The following SLC25A21 variants were observed in gnomAD, a reference collection of about 807,000 sequenced individuals.
The protein encoded by SLC25A21 is mitochondrial 2-oxodicarboxylate carrier.
Under a neutral mutation model 43.8 loss-of-function variants are expected in SLC25A21, and 47 were observed. That is an observed-to-expected ratio of 1.07 (90% CI 0.85 to 1.37). The LOEUF is 1.37. Ranked by LOEUF, SLC25A21 falls within the 40% of genes most tolerant of loss-of-function variation. The pLI, the probability that SLC25A21 is intolerant of heterozygous loss-of-function variation, is 0.00. For missense variants in SLC25A21, 352 were observed against 350.2 expected, an observed-to-expected ratio of 1.00 and a Z score of -0.04; for synonymous variants, 131 against 121.3, an observed-to-expected ratio of 1.08 and a Z score of -0.52.
intron 1 of SLC25A21, among the ~76,000 whole-genome samples, chr14:37,111,890 G>T (rs1453751863): frequency 6.6e-6 from 1 of 152,164 alleles, no homozygotes; most frequent in African/African-American, 2.4e-5. Context: ...TGGAAAACTA[G>T]TATAATCAAC....
chr14:36,881,620 A>C (rs1890728867), intron 1 of SLC25A21, among the ~76,000 whole-genome samples: 1 of 152,166 alleles, frequency 6.6e-6, no homozygotes, highest in South Asian at 2.1e-4. Context: ...CCTAGGTCAC[A>C]GAAAAGAGAC....
intron 7 of SLC25A21, among the ~76,000 whole-genome samples, chr14:36,699,696 G>A (rs992364763): frequency 2.0e-5 from 3 of 152,160 alleles, no homozygotes; most frequent in East Asian, 1.9e-4. Flanking sequence ...CTTGCAGATC[G>A]ATCTCAGACT....
intron 3 of SLC25A21, among the ~76,000 whole-genome samples, chr14:36,760,296 T>G (rs764892135): frequency 6.7e-6 from 1 of 148,420 alleles, no homozygotes; most frequent in Non-Finnish European, 1.5e-5. Context: ...TAATAACTTG[T>G]GACATTATTG....
intron 1 of SLC25A21, among the ~76,000 whole-genome samples, chr14:37,056,563 A>G (rs1240548422): frequency 6.6e-6 from 1 of 151,984 alleles, no homozygotes; most frequent in Non-Finnish European, 1.5e-5. Flanking sequence ...ATACAGATGC[A>G]GACACACACA....
intron 7 of SLC25A21, 104 bp from the exon 8 acceptor site, chr14:36,685,029 G>C: frequency 1.3e-6 from 1 of 779,554 alleles, no homozygotes; most frequent in Non-Finnish European, 1.9e-6. Flanking sequence ...TGCACTCCCG[G>C]CACCCTCCTG....
intron 1 of SLC25A21, among the ~76,000 whole-genome samples, chr14:37,142,322 CACAG>C (rs1198658435): frequency 6.6e-6 from 1 of 152,194 alleles, no homozygotes; most frequent in African/African-American, 2.4e-5. Context: ...AGCTCTTCAT[CACAG>C]ACTATCATCG....
intron 1 of SLC25A21, chr14:37,097,316 G>C (rs1962717792): frequency 6.6e-6 from 1 of 152,010 alleles, no homozygotes; most frequent in Non-Finnish European, 1.5e-5. Context: ...ACCCAAGCTG[G>C]TCTTGAACTC....
chr14:36,894,867 G>T (rs1320666237), intron 1 of SLC25A21, among the ~76,000 whole-genome samples: 6 of 152,154 alleles, frequency 3.9e-5, no homozygotes, highest in Non-Finnish European at 7.3e-5. Context: ...TGTTGAACCA[G>T]CCTTGCATCC....
chr14:37,026,383 G>A (rs577928335), intron 1 of SLC25A21, among the ~76,000 whole-genome samples: 63 of 152,172 alleles, frequency 4.1e-4, no homozygotes, highest in African/African-American at 1.5e-3. Context: ...TTTCCCAAAT[G>A]TCTTTCTTAC....
intron 2 of SLC25A21, among the ~76,000 whole-genome samples, chr14:36,858,145 G>T (rs555235400): frequency 6.6e-6 from 1 of 152,144 alleles, no homozygotes; most frequent in South Asian, 2.1e-4. Flanking sequence ...TCCCTAGGAG[G>T]TCCCATGAAG....
intron 1 of SLC25A21, among the ~76,000 whole-genome samples, chr14:36,916,869 C>G (rs1891846581): frequency 6.6e-6 from 1 of 152,070 alleles, no homozygotes; most frequent in African/African-American, 2.4e-5. Context: ...TCTCTTCCTA[C>G]CCCACCCTAA....
At chr14:36,695,078 T>C (rs2139158432) in intron 7 of SLC25A21, among the ~76,000 whole-genome samples, 1 of 152,342 alleles carries the variant, frequency 6.6e-6, no homozygotes, top group South Asian at 2.1e-4. Context: ...CTTGAATTAA[T>C]TTTTGCATAA....
At chr14:37,055,855 T>A (rs2138804594) in intron 1 of SLC25A21, among the ~76,000 whole-genome samples, 1 of 152,312 alleles carries the variant, frequency 6.6e-6, no homozygotes, top group East Asian at 1.9e-4. Context: ...TGTACATCCA[T>A]AAAATGATGC....
chr14:36,874,113 CT>C (rs558328900), intron 2 of SLC25A21, among the ~76,000 whole-genome samples: 1 of 152,212 alleles, frequency 6.6e-6, no homozygotes, highest in Non-Finnish European at 1.5e-5. Flanking sequence ...ATTCTGCTGC[CT>C]TTTTAGGTAG....
chr14:36,829,382 T>C (rs1888952345), intron 2 of SLC25A21, among the ~76,000 whole-genome samples: 1 of 152,168 alleles, frequency 6.6e-6, no homozygotes, highest in Non-Finnish European at 1.5e-5. Context: ...CAAGGCTTCC[T>C]CAGGCTTGCT....
intron 7 of SLC25A21, among the ~76,000 whole-genome samples, chr14:36,686,249 G>A (rs1882538051): frequency 6.6e-6 from 1 of 152,192 alleles, no homozygotes; most frequent in African/African-American, 2.4e-5. Context: ...CAGGTGCCGG[G>A]GAGGTTTAAA....
intron 3 of SLC25A21, among the ~76,000 whole-genome samples, chr14:36,776,238 C>CTTTTTTTTTTTTTTTTTTTT (rs35856297): frequency 4.4e-5 from 4 of 89,902 alleles, no homozygotes; most frequent in Non-Finnish European, 5.8e-5. Context: ...TTCTTTCTTT[C>CTTTTTTTTTTTTTTTTTTTT]TTTTTTTTTT....
At chr14:37,157,388 G>A (rs1963869803) in intron 1 of SLC25A21, among the ~76,000 whole-genome samples, 1 of 151,956 alleles carries the variant, frequency 6.6e-6, no homozygotes, top group South Asian at 2.1e-4. Context: ...ATCATATCAA[G>A]TATCTTCTCA....
At chr14:37,124,877 C>T (rs1390253375) in intron 1 of SLC25A21, among the ~76,000 whole-genome samples, 1 of 152,210 alleles carries the variant, frequency 6.6e-6, no homozygotes, top group Non-Finnish European at 1.5e-5. Context: ...TGTGAAGATG[C>T]CTGCTCCTGC....
Sources: allele counts gnomAD v4.1 joint callset (sites outside exome capture counted in the v4.1 genomes callset), GRCh38; gene constraint gnomAD v4.1.1; transcripts MANE v1.5; gene names NCBI Gene and HGNC (gene_info 2026-07-23, HGNC 2026-07-21).